The following NEB variants were observed in gnomAD, a reference collection of about 807,000 sequenced individuals.
The protein encoded by NEB is nemaline myopathy type 2.
A neutral mutation model predicts 952.2 loss-of-function variants in NEB; 512 were observed. The observed-to-expected ratio is 0.54, with a 90% CI of 0.50 to 0.58. The LOEUF is 0.58. Ranked by LOEUF, NEB falls within the 20% of genes least tolerant of loss-of-function variation. The pLI, the probability that NEB is intolerant of heterozygous loss-of-function variation, is 0.00. For synonymous variants in NEB, 2,900 were observed against 3,149.8 expected (o/e 0.92, Z 2.66); for missense variants, 8,428 against 9,231.1 (o/e 0.91, Z 3.56).
At chr2:151,543,540 G>C (rs890423772) in intron 135 of NEB, among the ~76,000 whole-genome samples, 1 of 152,160 alleles carries the variant, frequency 6.6e-6, no homozygotes, top group African/African-American at 2.4e-5. Context: ...TTCAGTTTAG[G>C]AAATTAGGGT....
intron 10 of NEB, 29 bp from the exon 11 acceptor site, chr2:151,710,567 A>T: frequency 7.3e-7 from 1 of 1,372,288 alleles, no homozygotes; most frequent in Non-Finnish European, 1.0e-6. Flanking sequence ...AAATAAGACA[A>T]GCATAACTCA....
intron 81 of NEB, 24 bp downstream of exon 81, chr2:151,609,785 T>A: frequency 6.5e-7 from 1 of 1,545,800 alleles, no homozygotes; most frequent in Non-Finnish European, 8.7e-7. Context: ...CCCTTCCCCC[T>A]TTCCCAAAAT....
chr2:151,620,920 T>A lies in NEB; in HGVS notation c.10559A>T (p.Asp3520Val), dbSNP rs1177284814. Reference sequence around the variant, plus strand: ...TGTTAGGACTTGATCAGCTCTTACATCACTGGCAATATCCCGAGAGGCCTT... The same window carrying A: ...TGTTAGGACTTGATCAGCTCTTACAACACTGGCAATATCCCGAGAGGCCTT... ...AAKASRDIAS[D>V]YKYKEAYRKQ... The change falls in exon 72 of 182, where the codon GAT becomes GTT. Residue 3520 changes from aspartate to valine, a missense_variant and splice_region_variant. Asp to Val is a radical substitution (Grantham distance 152). Transcript: ENST00000397345. 2 of 1,607,310 alleles carry A rather than the reference T, an allele frequency of 1.2e-6. No individual in the cohort carries two copies. The highest frequency in any genetic ancestry group is 3.4e-5 in the Admixed American group (2 of 59,518).
chr2:151,669,376 A>G (rs892674958), intron 38 of NEB, among the ~76,000 whole-genome samples: 1 of 152,190 alleles, frequency 6.6e-6, no homozygotes, highest in African/African-American at 2.4e-5. Context: ...TGAGGAAGGC[A>G]TATCTGTCCT....
intron 66 of NEB, 124 bp downstream of exon 66, chr2:151,631,019 G>A (rs1459632179): frequency 1.9e-5 from 26 of 1,343,120 alleles, no homozygotes; most frequent in Non-Finnish European, 2.3e-5. Flanking sequence ...AGGATTTCAA[G>A]CATGTAATTT....
intron 74 of NEB, among the ~76,000 whole-genome samples, chr2:151,617,905 C>T (rs2098258092): frequency 6.6e-6 from 1 of 151,984 alleles, no homozygotes; most frequent in African/African-American, 2.4e-5. Context: ...ACTGAAAATA[C>T]AAAAATTTGC....
At chr2:151,660,126 G>C (rs976020272) in intron 46 of NEB, among the ~76,000 whole-genome samples, 5 of 152,142 alleles carry the variant, frequency 3.3e-5, no homozygotes, top group Non-Finnish European at 5.9e-5. Flanking sequence ...TCATCGAAGT[G>C]GGGGTACAAA....
rs139963368 is a variant in NEB at position 151,662,303 on chromosome 2, G to A, written c.5802C>T (p.Gly1934=). Residue 1934 remains glycine (G), a synonymous_variant, in exon 46 of 182, where the codon GGC becomes GGT. Transcript: ENST00000397345. ...YKADYADFMK[G]IGWLPLGSLE... is the part of the protein sequence containing the mutation. ...GGGAGCCCAGAGGGAGCCATCCAAT[G>A]CCCTTCATGAAGTCAGCATAGTCAG... is the stretch of plus-strand genomic sequence containing the variant. 1.8e-3 allele frequency: 2,973 copies of A among 1,613,506 alleles called. 18 individuals carry two copies. Among genetic ancestry groups the A allele is most frequent in the African/African-American group, 0.014 (1,033 of 74,996 alleles).
intron 146 of NEB, among the ~76,000 whole-genome samples, chr2:151,528,861 C>G (rs1215068645): frequency 6.6e-6 from 1 of 152,134 alleles, no homozygotes; most frequent in Non-Finnish European, 1.5e-5. Flanking sequence ...GAGTTTGAGG[C>G]AGGAGGAGAG....
chr2:151,574,273 A>G (rs1578179024), intron 107 of NEB, among the ~76,000 whole-genome samples: 1 of 152,234 alleles, frequency 6.6e-6, no homozygotes, highest in East Asian at 1.9e-4. Context: ...CGCGCCAGGC[A>G]TGTTCTTACT....
Position 151,531,879 on chromosome 2 carries a change from GT to G in NEB, c.21434del (p.Asn7145ThrfsTer67). ...HMWSQIKYRK[N>X]YEKSKDKFTS... ...TAAATTTGTCCTTTGATTTTTCATA[GT>G]TTTTCCTGTATTTGATCTAAATTGT... On this transcript the variant is annotated frameshift_variant, in exon 144 of 182. Transcript: ENST00000397345. LOFTEE classifies it high-confidence loss of function. The G allele has an allele frequency of 6.3e-7, 1 of 1,586,062 alleles. No individual in the cohort carries two copies. The highest frequency in any genetic ancestry group is 8.6e-7 in the Non-Finnish European group (1 of 1,166,100).
rs767866617 is a variant in NEB at position 151,525,298 on chromosome 2, A to G, written c.22162-25T>C. ...TCTAAATAGAGCCAGAATTACTTTT[A>G]TGAGTAGAGGAAGCTGGGAACAGAG... On this transcript the variant is annotated intron_variant, in intron 150 of 181. Coordinates refer to ENST00000397345, the MANE Select transcript of NEB (RefSeq NM_001164508.2). 9.3e-6 allele frequency: 14 copies of G among 1,504,888 alleles called. No homozygotes were observed. In the African/African-American group the frequency reaches 1.2e-4, roughly 13 times the overall value. 93.2% of individuals were successfully genotyped at this position (1,504,888 alleles called of 1,614,324 possible).
At position 151,691,980 on chromosome 2, in the gene NEB, A is replaced by G. The variant is rs1241586272; in HGVS notation, c.2107-12T>C. 2 of 1,611,024 alleles carry G rather than the reference A, an allele frequency of 1.2e-6. No individual in the cohort carries two copies. The highest frequency in any genetic ancestry group is 4.5e-5 in the East Asian group (2 of 44,852). On this transcript the variant is annotated splice_polypyrimidine_tract_variant and intron_variant, in intron 22 of 181. Coordinates refer to ENST00000397345, the MANE Select transcript of NEB (RefSeq NM_001164508.2). ...GCTTTGTAACTTTTCTATAATGAGAAAAACCAAAAATAGATCATGATTGTT... is the reference window on the plus strand; with the variant it reads ...GCTTTGTAACTTTTCTATAATGAGAGAAACCAAAAATAGATCATGATTGTT...
chr2:151,711,689 G>A lies in NEB; in HGVS notation c.823-1151C>T, dbSNP rs1053366629. ...ATTGTTTTCTCAGCCACAAGTGCTG[G>A]CAATAATATTTACAGAGAAGGCTGC... On this transcript the variant is annotated intron_variant, in intron 10 of 181. Coordinates refer to ENST00000397345, the MANE Select transcript of NEB (RefSeq NM_001164508.2). Among the ~76,000 whole-genome samples, 7 of 152,228 alleles carry A rather than the reference G, an allele frequency of 4.6e-5. No individual in the cohort carries two copies. The East Asian group carries it at 1.4e-3, about 29-fold the overall frequency.
chr2:151,579,080 C>CAA lies in NEB; in HGVS notation c.16704+256_16704+257dup, dbSNP rs1159995102. On this transcript the variant is annotated intron_variant, in intron 105 of 181. Coordinates refer to ENST00000397345, the MANE Select transcript of NEB (RefSeq NM_001164508.2). ...TGGGTGACAGAGCAAGACTCCATCT[C>CAA]AAAAAAAAAAAAAAAAAAAAAAAAA... Among the ~76,000 whole-genome samples, 126 of 31,698 alleles carry CAA rather than the reference C, an allele frequency of 4.0e-3. 8 individuals carry two copies. Among genetic ancestry groups the CAA allele is most frequent in the African/African-American group, 0.013 (92 of 7,134 alleles). 20.8% of individuals were successfully genotyped at this position (31,698 alleles called of 152,430 possible).
At chr2:151,731,282 A>G (rs970410306) in intron 3 of NEB, among the ~76,000 whole-genome samples, 1 of 152,000 alleles carries the variant, frequency 6.6e-6, no homozygotes, top group African/African-American at 2.4e-5. Context: ...GCCAAATCTC[A>G]CTCTTTTTTT....
intron 37 of NEB, 104 bp from the exon 38 acceptor site, chr2:151,671,333 G>T: frequency 2.3e-6 from 2 of 883,220 alleles, no homozygotes; most frequent in Non-Finnish European, 3.5e-6. Flanking sequence ...CAACTCTTCA[G>T]CATGCTCATG....
In NEB at chr2:151,656,400, T is replaced by C. The variant is rs368626849; in HGVS notation, c.6248A>G (p.Asp2083Gly). ...CATGGAATGGACTAATTTGGGATCA[T>C]CCTCGAGACTGCGGAAACCAACCAT... ...GKMVGFRSLE[D>G]DPKLVHSMQV... is the part of the protein sequence containing the mutation. The change falls in exon 49 of 182, where the codon GAT becomes GGT. Residue 2083 changes from aspartate to glycine, a missense_variant. Transcript: ENST00000397345. 7 of 1,613,502 alleles carry C rather than the reference T, an allele frequency of 4.3e-6. No individual in the cohort carries two copies. The African/African-American group carries it at 8.0e-5, about 18-fold the overall frequency.
intron 65 of NEB, among the ~76,000 whole-genome samples, chr2:151,632,134 T>C (rs2098680164): frequency 6.6e-6 from 1 of 152,286 alleles, no homozygotes; most frequent in African/African-American, 2.4e-5. Flanking sequence ...TAAAATCATA[T>C]TGCCATATTT....
Sources: gnomAD v4.1 joint callset for allele counts (sites outside exome capture counted in the v4.1 genomes callset) on GRCh38, gnomAD v4.1.1 for gene constraint, MANE v1.5 for transcripts, NCBI Gene and HGNC (gene_info 2026-07-23, HGNC 2026-07-21) for gene names.